The following GRB10 variants were observed in gnomAD, a reference collection of about 807,000 sequenced individuals.
GRB10 encodes growth factor receptor bound protein 10.
GRB10 carries 20 observed loss-of-function variants against 80.9 expected under a neutral mutation model. That is an observed-to-expected ratio of 0.25 (90% CI 0.17 to 0.36). The LOEUF (loss-of-function observed/expected upper bound fraction) is 0.36. Among genes scored for constraint, GRB10 ranks in the 10% least tolerant of loss-of-function variants. The pLI, the probability that GRB10 is intolerant of heterozygous loss-of-function variation, is 1.00. For synonymous variants in GRB10, 291 were observed against 291.5 expected (o/e 1.00, Z 0.02); for missense variants, 548 against 747.7 (o/e 0.73, Z 3.12).
intron 4 of GRB10, among the ~76,000 whole-genome samples, chr7:50,731,044 C>T (rs990286826): frequency 1.3e-5 from 2 of 152,056 alleles, no homozygotes; most frequent in South Asian, 2.1e-4. Flanking sequence ...GGGTGCAGCA[C>T]AGAGCTTTAA....
At chr7:50,652,086 A>C (rs775478275) in intron 7 of GRB10, among the ~76,000 whole-genome samples, 1 of 152,224 alleles carries the variant, frequency 6.6e-6, no homozygotes, top group African/African-American at 2.4e-5. Flanking sequence ...TTGGATTTCA[A>C]ATTTTCAAAA....
At chr7:50,679,274 C>T (rs370457597) in intron 5 of GRB10, among the ~76,000 whole-genome samples, 2 of 152,146 alleles carry the variant, frequency 1.3e-5, no homozygotes, top group East Asian at 1.9e-4. Flanking sequence ...ATAAACTCAG[C>T]GAAACACATT....
rs1308983318 is a variant in GRB10, at chr7:50,704,537, T to C, written c.52-629A>G. ...CAGTGACTAACTTGGGGTAGAGAGA[T>C]GTCTGTTTTCTCTTATAGATTTATA... On this transcript the variant is annotated intron_variant, in intron 4 of 18. Coordinates refer to ENST00000401949, the MANE Select transcript of GRB10 (RefSeq NM_001350814.2). 2.0e-5 allele frequency among the ~76,000 whole-genome samples: 3 copies of C among 152,230 alleles called. No homozygotes were observed. In the East Asian group the frequency reaches 5.8e-4, roughly 29 times the overall value.
At chr7:50,712,533 TG>T (rs11323847) in intron 4 of GRB10, among the ~76,000 whole-genome samples, 92,236 of 152,104 alleles carry the variant, frequency 0.61, 31,145 homozygotes, top group Middle Eastern at 0.85. Flanking sequence ...TTCTCCCAAA[TG>T]GTAAGAATGC....
chr7:50,621,940 T>C (rs576822278), intron 8 of GRB10, among the ~76,000 whole-genome samples: 1 of 152,210 alleles, frequency 6.6e-6, no homozygotes, highest in Non-Finnish European at 1.5e-5. Context: ...AGCTAAAGTG[T>C]GACTCCTCGG....
At chr7:50,785,832 C>T (rs776139993), upstream of GRB10, among the ~76,000 whole-genome samples, 1 of 152,072 alleles carries the variant, frequency 6.6e-6, no homozygotes, top group Non-Finnish European at 1.5e-5. Context: ...AAACGATACA[C>T]AAAAAGTTTT....
At position 50,678,009 on chromosome 7, in the gene GRB10, AT is replaced by A. The variant is rs561848972; in HGVS notation, c.140-3352del. On this transcript the variant is annotated intron_variant, in intron 5 of 18. Transcript: ENST00000401949. ...TCTTCTAGGAAAATAACATGTTTTCATTCCCTCTGGGGAATTTTCATGTGCA... is the reference window on the plus strand; with the variant it reads ...TCTTCTAGGAAAATAACATGTTTTCATCCCTCTGGGGAATTTTCATGTGCA... Among the ~76,000 whole-genome samples, 9 of 152,338 alleles carry A rather than the reference AT, an allele frequency of 5.9e-5. No homozygotes were observed. In the East Asian group the frequency reaches 1.7e-3, roughly 29 times the overall value.
intron 2 of GRB10, among the ~76,000 whole-genome samples, chr7:50,770,206 A>G (rs2076842643): frequency 6.6e-6 from 1 of 152,222 alleles, no homozygotes. Flanking sequence ...ATCTAGCATT[A>G]CCACTTCCAG....
intron 6 of GRB10, among the ~76,000 whole-genome samples, chr7:50,674,139 A>C (rs572293960): frequency 6.6e-6 from 1 of 152,240 alleles, no homozygotes; most frequent in Admixed American, 6.5e-5. Context: ...CAATCTTTCC[A>C]GAGATTTTTC....
At chr7:50,777,616 C>G (rs2051894) in intron 2 of GRB10, among the ~76,000 whole-genome samples, 125,336 of 152,000 alleles carry the variant, frequency 0.82, 51,736 homozygotes, top group Middle Eastern at 0.91. Context: ...ACATGCACAC[C>G]TATGTTTATT....
intron 8 of GRB10, among the ~76,000 whole-genome samples, chr7:50,626,606 C>G (rs978284235): frequency 5.9e-5 from 9 of 152,212 alleles, no homozygotes; most frequent in Admixed American, 2.6e-4. Flanking sequence ...TTACCTCAAC[C>G]ATCCAAGGCA....
intron 4 of GRB10, among the ~76,000 whole-genome samples, chr7:50,711,417 CT>C (rs1435187280): frequency 6.6e-6 from 1 of 152,200 alleles, no homozygotes; most frequent in Non-Finnish European, 1.5e-5. Flanking sequence ...GGGACATCAG[CT>C]GAGACGGGTG....
At chr7:50,753,391 G>C (rs1032509258) in intron 3 of GRB10, among the ~76,000 whole-genome samples, 1 of 152,160 alleles carries the variant, frequency 6.6e-6, no homozygotes, top group Non-Finnish European at 1.5e-5. Context: ...CATGGTGCCC[G>C]GCACCTGGAC....
At chr7:50,743,992 T>G (rs138533023) in intron 3 of GRB10, among the ~76,000 whole-genome samples, 82 of 152,066 alleles carry the variant, frequency 5.4e-4, no homozygotes, top group African/African-American at 1.9e-3. Flanking sequence ...AACACCAATT[T>G]TCTAGCCCTG....
At chr7:50,595,228 C>G (rs1049287089) in intron 18 of GRB10, among the ~76,000 whole-genome samples, 5 of 152,196 alleles carry the variant, frequency 3.3e-5, no homozygotes, top group African/African-American at 1.2e-4. Flanking sequence ...GGCCTCAACA[C>G]CCTATCACCA....
intron 11 of GRB10, among the ~76,000 whole-genome samples, chr7:50,615,883 C>G (rs1157794939): frequency 1.3e-5 from 2 of 152,170 alleles, no homozygotes; most frequent in East Asian, 1.9e-4. Flanking sequence ...AACATCTTTA[C>G]AGCTAGCTTA....
rs1438285347 is a variant in GRB10, at chr7:50,626,967, G to T, written c.516C>A (p.Val172=). 9 of 1,614,012 alleles carry T rather than the reference G, an allele frequency of 5.6e-6. No homozygotes were observed. The highest frequency in any genetic ancestry group is 5.9e-6 in the Non-Finnish European group (7 of 1,180,014). The change falls in exon 8 of 19, where the codon GTC becomes GTA. Residue 172 remains valine (V), a synonymous_variant. Transcript: ENST00000401949. ...CTTTGCTTGTCCCATCTTCACTAAA[G>T]ACTTTAACATCCTGCAACACACAAA... ...SQAAAKQDVK[V]FSEDGTSKVV... is the part of the protein sequence containing the mutation.
At position 50,782,155 on chromosome 7, in the gene GRB10, T is replaced by C. The variant is rs1344067504; in HGVS notation, c.-327+269A>G. Among the ~76,000 whole-genome samples, 1 of 152,202 alleles carries C rather than the reference T, an allele frequency of 6.6e-6. No homozygotes were observed. Among genetic ancestry groups the C allele is most frequent in the African/African-American group, 2.4e-5 (1 of 41,472 alleles). ...TTCCGTGGGTACAGTTATTACTCGT[T>C]ACATAATATTAAACAATTAAGATTA... On this transcript the variant is annotated intron_variant, in intron 1 of 18. Transcript: ENST00000401949. The surrounding 1 kb of genome is among the most constrained non-coding windows in gnomAD (Gnocchi z 6.6).
intron 4 of GRB10, among the ~76,000 whole-genome samples, chr7:50,730,505 T>G (rs187097080): frequency 1.7e-3 from 257 of 152,336 alleles, no homozygotes; most frequent in South Asian, 3.7e-3. Context: ...CATCTTATTT[T>G]CCAGGAACAA....
Sources: gnomAD v4.1 joint callset for allele counts (sites outside exome capture counted in the v4.1 genomes callset) on GRCh38, gnomAD v4.1.1 for gene constraint, Gnocchi (gnomAD v3.1) non-coding constraint, MANE v1.5 for transcripts, NCBI Gene and HGNC (gene_info 2026-07-23, HGNC 2026-07-21) for gene names.